The following KLHL1 variants were observed in gnomAD, a reference collection of about 807,000 sequenced individuals.
KLHL1 encodes the protein kelch like family member 1, also known as kelch-like protein 1.
KLHL1 carries 47 observed loss-of-function variants against 77.7 expected under a neutral mutation model. The observed-to-expected ratio is 0.60, with a 90% confidence interval of 0.48 to 0.77. The LOEUF is 0.77. Among genes scored for constraint, KLHL1 ranks in the 30% least tolerant of loss-of-function variants. The pLI is 0.00. For synonymous variants in KLHL1, 360 were observed against 325.2 expected, an observed-to-expected ratio of 1.11 and a Z score of -1.15; for missense variants, 925 against 910.8, an observed-to-expected ratio of 1.02 and a Z score of -0.20.
intron 2 of KLHL1, among the ~76,000 whole-genome samples, chr13:69,967,767 C>A (rs1884259425): frequency 6.6e-6 from 1 of 151,954 alleles, no homozygotes; most frequent in Non-Finnish European, 1.5e-5. Flanking sequence ...TGCCTGTAAT[C>A]CCAGCTACTC....
intron 7 of KLHL1, among the ~76,000 whole-genome samples, chr13:69,775,295 G>T (rs1228003351): frequency 1.3e-5 from 2 of 151,868 alleles, no homozygotes; most frequent in Non-Finnish European, 2.9e-5. Flanking sequence ...AAAAAAAGAG[G>T]TACTAGTGAC....
chr13:70,032,830 T>C (rs1217532764), intron 1 of KLHL1, among the ~76,000 whole-genome samples: 1 of 152,188 alleles, frequency 6.6e-6, no homozygotes, highest in Non-Finnish European at 1.5e-5. Context: ...ATTGAAATTT[T>C]AGATCTTTTT....
intron 5 of KLHL1, among the ~76,000 whole-genome samples, chr13:69,873,598 A>G (rs1208374579): frequency 6.6e-6 from 1 of 152,146 alleles, no homozygotes; most frequent in Non-Finnish European, 1.5e-5. Flanking sequence ...ACATAAAAGT[A>G]TAAAGATTTC....
chr13:70,099,823 G>T (rs1281260613), intron 1 of KLHL1, among the ~76,000 whole-genome samples: 2 of 151,802 alleles, frequency 1.3e-5, no homozygotes, highest in African/African-American at 2.4e-5. Flanking sequence ...TTAAAAAGTT[G>T]TTAAATTTTT....
intron 5 of KLHL1, among the ~76,000 whole-genome samples, chr13:69,868,276 A>T (rs1880447666): frequency 6.6e-6 from 1 of 152,118 alleles, no homozygotes; most frequent in African/African-American, 2.4e-5. Flanking sequence ...TGTATATGGA[A>T]AATAATAAAT....
chr13:69,771,789 A>G (rs543304996), intron 7 of KLHL1, among the ~76,000 whole-genome samples: 1 of 152,252 alleles, frequency 6.6e-6, no homozygotes, highest in African/African-American at 2.4e-5. Context: ...TAATGACGAT[A>G]ATGGTGTAAT....
chr13:69,879,043 T>C (rs752818186), intron 5 of KLHL1, among the ~76,000 whole-genome samples: 1 of 152,176 alleles, frequency 6.6e-6, no homozygotes, highest in Non-Finnish European at 1.5e-5. Context: ...TAGGTGGGAA[T>C]TGAACAATGA....
intron 7 of KLHL1, among the ~76,000 whole-genome samples, chr13:69,779,755 G>C (rs1052222820): frequency 6.6e-6 from 1 of 151,590 alleles, no homozygotes; most frequent in African/African-American, 2.4e-5. Flanking sequence ...AAAGTTATCT[G>C]CTCCAAAAAC....
In KLHL1 at chr13:69,855,903, ATATAT is replaced by A. The variant is rs560721100; in HGVS notation, c.1228-16746_1228-16742del. ...ATGTTATATAATATACATGTTTTAT[ATATAT>A]TATATGTTATAACATATTAATATGC... is the stretch of plus-strand genomic sequence containing the variant. On this transcript the variant is annotated intron_variant, in intron 5 of 10. Transcript: ENST00000377844. 7.1e-4 allele frequency among the ~76,000 whole-genome samples: 97 copies of A among 136,340 alleles called. 1 individual carries two copies. Among genetic ancestry groups the A allele is most frequent in the South Asian group, 5.5e-3 (24 of 4,350 alleles). The allele number at this position is 136,340 out of a possible 152,430, so 89.4% of individuals were successfully genotyped here. A position where few individuals can be genotyped will look rare whatever the true frequency, so the allele number is the denominator to read the frequency against.
chr13:69,767,175 T>G (rs1253513109), intron 7 of KLHL1, among the ~76,000 whole-genome samples: 1 of 152,196 alleles, frequency 6.6e-6, no homozygotes, highest in African/African-American at 2.4e-5. Flanking sequence ...AAGACAGATA[T>G]ATTAGCGTGA....
At chr13:69,983,724 C>A (rs1279640285) in intron 1 of KLHL1, among the ~76,000 whole-genome samples, 3 of 151,838 alleles carry the variant, frequency 2.0e-5, no homozygotes. Context: ...CCTGTACTCA[C>A]ATCACTGCAC....
chr13:70,076,345 T>C (rs2137424605), intron 1 of KLHL1, among the ~76,000 whole-genome samples: 1 of 150,438 alleles, frequency 6.6e-6, no homozygotes, highest in Non-Finnish European at 1.5e-5. Flanking sequence ...TCAACTGATC[T>C]TTCACAATGC....
At chr13:70,098,796 G>A (rs1264994509) in intron 1 of KLHL1, among the ~76,000 whole-genome samples, 1 of 151,446 alleles carries the variant, frequency 6.6e-6, no homozygotes, top group Non-Finnish European at 1.5e-5. Flanking sequence ...TATACCTGCT[G>A]TATTATATTA....
chr13:69,785,827 C>T (rs531260860), intron 7 of KLHL1, among the ~76,000 whole-genome samples: 26 of 152,210 alleles, frequency 1.7e-4, no homozygotes, highest in Non-Finnish European at 2.6e-4. Context: ...AAGGGGATAT[C>T]GCCACCGATC....
intron 1 of KLHL1, among the ~76,000 whole-genome samples, chr13:70,062,979 A>C (rs1397941556): frequency 6.6e-6 from 1 of 152,112 alleles, no homozygotes; most frequent in Non-Finnish European, 1.5e-5. Context: ...TTTCTCATCT[A>C]AAGTTCCTTT....
At chr13:69,901,279 CA>C (rs1210774499) in intron 4 of KLHL1, among the ~76,000 whole-genome samples, 1 of 152,160 alleles carries the variant, frequency 6.6e-6, no homozygotes, top group East Asian at 1.9e-4. Context: ...CTACCATTAT[CA>C]AGAATATAAA....
intron 1 of KLHL1, among the ~76,000 whole-genome samples, chr13:69,978,689 G>A (rs1186159905): frequency 1.3e-5 from 2 of 152,112 alleles, no homozygotes; most frequent in South Asian, 2.1e-4. Flanking sequence ...GTTTCACCAT[G>A]TTTGTCAGGC....
chr13:69,901,283 A>G (rs1249798918), intron 4 of KLHL1, among the ~76,000 whole-genome samples: 1 of 152,242 alleles, frequency 6.6e-6, no homozygotes, highest in Non-Finnish European at 1.5e-5. Context: ...CATTATCAAG[A>G]ATATAAATGT....
intron 5 of KLHL1, among the ~76,000 whole-genome samples, chr13:69,880,413 T>C (rs966497918): frequency 6.6e-6 from 1 of 152,128 alleles, no homozygotes. Flanking sequence ...TAATGTGTGA[T>C]AGCCCCAGTT....
Sources: gnomAD v4.1 joint callset for allele counts (sites outside exome capture counted in the v4.1 genomes callset) on GRCh38, gnomAD v4.1.1 for gene constraint, MANE v1.5 for transcripts, NCBI Gene and HGNC (gene_info 2026-07-23, HGNC 2026-07-21) for gene names.